UMODL1: variants seen among roughly 807,000 people sequenced by gnomAD.
UMODL1 encodes uromodulin like 1.
In UMODL1, 128 loss-of-function variants were observed where a neutral mutation model predicts 136.3. That is an observed-to-expected ratio of 0.94 (90% confidence interval 0.81 to 1.09). The LOEUF (loss-of-function observed/expected upper bound fraction) is 1.09, where lower values mean the gene tolerates loss of function less well. UMODL1 is among the 50% of genes least tolerant of loss of function. The probability of loss-of-function intolerance (pLI) is 0.00; values close to 1 mark genes in which losing one functional copy is unlikely to be tolerated. For synonymous variants in UMODL1, 721 were observed against 720.0 expected (o/e 1.00, Z -0.02); for missense variants, 1,766 against 1,725.6 (o/e 1.02, Z -0.41).
chr21:42,122,264 G>A lies in UMODL1; in HGVS notation c.2828-567G>A, dbSNP rs2066982328. ...CACCCCGAGAACAGGTGGGTGGATT[G>A]GAAAGCTTTCCGGGCCCCTTGTTCT... On this transcript the variant is annotated intron_variant, in intron 16 of 22. Coordinates refer to ENST00000408910, the MANE Select transcript of UMODL1 (RefSeq NM_001004416.3). This position sits in a 1 kb window ranked among gnomAD's most constrained non-coding sequence, Gnocchi z 4.3. Among the ~76,000 whole-genome samples, 1 of 152,174 alleles carries A rather than the reference G, an allele frequency of 6.6e-6. No homozygotes were observed.
At position 42,071,353 on chromosome 21, in the gene UMODL1, G is replaced by T. The variant is rs1380527196; in HGVS notation, c.37G>T (p.Val13Phe). The T allele has an allele frequency of 5.0e-6, 8 of 1,598,140 alleles. No homozygotes were observed. The highest frequency in any genetic ancestry group is 6.8e-6 in the Non-Finnish European group (8 of 1,172,628). ...CTCGGGGCTGGCACTGCTGGCTCTG[G>T]TCAGTGCTGTGGGCCCAAGCCAGGC... ...RTSGLALLAL[V>F]SAVGPSQASG... Residue 13 changes from valine (V) to phenylalanine (F), a missense_variant, in exon 1 of 23, where the codon GTC becomes TTC. Transcript: ENST00000408910.
intron 1 of UMODL1, among the ~76,000 whole-genome samples, chr21:42,065,754 G>C (rs555474522): frequency 3.3e-5 from 5 of 152,104 alleles, no homozygotes; most frequent in African/African-American, 1.2e-4. Flanking sequence ...GGAGGGCCTC[G>C]ATCTGCTGAC....
intron 14 of UMODL1, among the ~76,000 whole-genome samples, chr21:42,117,803 A>G (rs938888216): frequency 7.9e-5 from 12 of 152,234 alleles, no homozygotes; most frequent in African/African-American, 2.9e-4. Flanking sequence ...TAGTAGTTAG[A>G]ATATTAAACA....
chr21:42,103,720 G>A lies in UMODL1; in HGVS notation c.1300-148G>A, dbSNP rs759222558. On this transcript the variant is annotated intron_variant, in intron 8 of 22. Transcript: ENST00000408910. The stretch of plus-strand genomic sequence containing the variant: ...AGGTGCTGTGAACGGACTTCTCTGC[G>A]TGCTCTGAGAGGTCGGTCGTCAGGT... The A allele has an allele frequency of 8.6e-5, 79 of 921,526 alleles. 1 individual carries two copies. The highest frequency in any genetic ancestry group is 3.1e-4 in the African/African-American group (19 of 61,216). 57.1% of individuals were successfully genotyped at this position (921,526 alleles called of 1,614,324 possible).
In UMODL1 at chr21:42,084,137, G is replaced by C. The variant is rs757190183; in HGVS notation, c.373G>C (p.Gly125Arg). 2 of 1,614,138 alleles carry C rather than the reference G, an allele frequency of 1.2e-6. No homozygotes were observed. The highest frequency in any genetic ancestry group is 1.7e-6 in the Non-Finnish European group (2 of 1,180,008). ...AAGACCTGGGGCCTGCCCCGCAGAG[G>C]GGCCTGAACCATCCACCTCCCCCTG... The part of the protein sequence containing the change: ...TSRPGACPAE[G>R]PEPSTSPCSL... Residue 125 changes from glycine (G) to arginine (R), a missense_variant, in exon 3 of 23, where the codon GGG becomes CGG. By Grantham distance (125) the Gly-to-Arg change is moderately radical. Coordinates refer to ENST00000408910, the MANE Select transcript of UMODL1 (RefSeq NM_001004416.3).
chr21:42,126,681 G>A (rs2067059975), intron 18 of UMODL1, among the ~76,000 whole-genome samples, 191 bp downstream of exon 18: 1 of 152,202 alleles, frequency 6.6e-6, no homozygotes, highest in Non-Finnish European at 1.5e-5. Flanking sequence ...GGCCAAATAT[G>A]TCCCGTGGCC....
intron 17 of UMODL1, 95 bp from the exon 18 acceptor site, chr21:42,126,250 C>T (rs1185676833): frequency 1.3e-6 from 2 of 1,534,586 alleles, no homozygotes; most frequent in African/African-American, 1.4e-5. Flanking sequence ...TAGAGAAGAA[C>T]CCCCATCCCC....
chr21:42,104,164 TCTTTC>T (rs2146483121), intron 9 of UMODL1, 77 bp downstream of exon 9: 1 of 1,406,970 alleles, frequency 7.1e-7, no homozygotes, highest in East Asian at 2.3e-5. Flanking sequence ...TTTGAGTCAG[TCTTTC>T]CTTTATTTCA....
In UMODL1 at chr21:42,119,227, C is replaced by T. The variant is rs376499471; in HGVS notation, c.2592C>T (p.Ile864=). ...TGGTGGAGTTTCACTTGCTGATAAT[C>T]GCAGATGTGGATGTCCAGGAGGTGT... ...SIVVEFHLLI[I]ADVDVQEVSA... is the part of the protein sequence containing the mutation. Residue 864 remains isoleucine, a synonymous_variant, in exon 15 of 23, where the codon ATC becomes ATT. Coordinates refer to ENST00000408910, the MANE Select transcript of UMODL1 (RefSeq NM_001004416.3). 71 of 1,614,218 alleles carry T rather than the reference C, an allele frequency of 4.4e-5. No homozygotes were observed. In the African/African-American group the frequency reaches 8.1e-4, roughly 18 times the overall value.
At position 42,090,340 on chromosome 21, in the gene UMODL1, G is replaced by A. The variant is rs759164059; in HGVS notation, c.833G>A (p.Gly278Glu). 4 of 1,614,180 alleles carry A rather than the reference G, an allele frequency of 2.5e-6. No homozygotes were observed. Among genetic ancestry groups the A allele is most frequent in the South Asian group, 1.1e-5 (1 of 91,086 alleles). Residue 278 changes from glycine (G) to glutamate (E), a missense_variant, in exon 6 of 23, where the codon GGA (glycine) becomes GAA (glutamate). Gly to Glu is a moderately conservative substitution (Grantham distance 98, BLOSUM62 -2). Transcript: ENST00000408910. ...TATGAGGAGCTCAATGCCTGCTCTG[G>A]AAGGGAACTGTGCGCAAACCTGGAG... ...CFYEELNACS[G>E]RELCANLEGS...
Position 42,065,007 on chromosome 21 carries a change from C to T in UMODL1, c.-141+1793C>T, listed in dbSNP as rs562422701. Among the ~76,000 whole-genome samples the T allele has an allele frequency of 3.0e-4, 46 of 152,296 alleles. 1 individual carries two copies. Among genetic ancestry groups the T allele is most frequent in the South Asian group, 2.5e-3 (12 of 4,830 alleles). ...CTGTTTTTACTTTTGAAAATCCTTG[C>T]GGCTGGGGGAATGTACACCTTCTCT... is the stretch of plus-strand genomic sequence containing the variant. On this transcript the variant is annotated intron_variant, in intron 1 of 22. Coordinates refer to the UMODL1 transcript ENST00000400424.
chr21:42,063,461 A>T (rs1601159222), intron 1 of UMODL1, among the ~76,000 whole-genome samples: 1 of 152,164 alleles, frequency 6.6e-6, no homozygotes, highest in African/African-American at 2.4e-5. Context: ...GAGGCCAGGC[A>T]TTGGGATTTT....
At chr21:42,110,733 C>A in intron 10 of UMODL1, 147 bp from the exon 11 acceptor site, 1 of 761,154 alleles carries the variant, frequency 1.3e-6, no homozygotes. Context: ...AGGAAACACT[C>A]CTGAACGCTG....
At chr21:42,103,627 G>A in intron 8 of UMODL1, 1 of 647,128 alleles carries the variant, frequency 1.5e-6, no homozygotes, top group Non-Finnish European at 3.0e-6. Context: ...GAGCTTGATT[G>A]CAGTGGTCAC....
chr21:42,123,067 C>A lies in UMODL1; in HGVS notation c.3064C>A (p.Pro1022Thr), dbSNP rs764570616. Residue 1022 changes from proline (P) to threonine (T), a missense_variant, in exon 17 of 23, where the codon CCC becomes ACC. By Grantham distance (38) the Pro-to-Thr change is conservative. Transcript: ENST00000408910. The surrounding 1 kb of genome is among the most constrained non-coding windows in gnomAD (Gnocchi z 4.4). ...IPESSLYLSH[P>T]SCNVSHSNGT... ...CGAGTCCTCGTTGTACCTCAGCCAC[C>A]CCTCCTGCAACGTGAGCCACAGCAA... 1.2e-6 allele frequency: 2 copies of A among 1,614,182 alleles called. No individual in the cohort carries two copies. The highest frequency in any genetic ancestry group is 3.3e-5 in the Admixed American group (2 of 60,022).
Position 42,099,619 on chromosome 21 carries a change from G to C in UMODL1, c.1186+439G>C, listed in dbSNP as rs534583052. 2.0e-5 allele frequency among the ~76,000 whole-genome samples: 3 copies of C among 152,174 alleles called. No individual in the cohort carries two copies. In the East Asian group the frequency reaches 5.8e-4, roughly 29 times the overall value. On this transcript the variant is annotated intron_variant, in intron 7 of 22. Coordinates refer to ENST00000408910, the MANE Select transcript of UMODL1 (RefSeq NM_001004416.3). The surrounding 1 kb of genome is among the most constrained non-coding windows in gnomAD (Gnocchi z 4.1). The stretch of plus-strand genomic sequence containing the variant: ...AGGGGAGCATCGCTGACGTTTTCAC[G>C]CCTTGCTTCACTCATGATGCATGTA...
chr21:42,076,611 G>A (rs186588101), intron 2 of UMODL1, among the ~76,000 whole-genome samples: 10 of 152,296 alleles, frequency 6.6e-5, no homozygotes, highest in Admixed American at 1.3e-4. Context: ...GAATTGGCCC[G>A]GGGCGTTGAG....
intron 22 of UMODL1, among the ~76,000 whole-genome samples, chr21:42,138,578 A>ATT (rs55726630): frequency 6.8e-6 from 1 of 146,608 alleles, no homozygotes. Flanking sequence ...AGATTTTCAG[A>ATT]TTTTTTTTTT....
intron 18 of UMODL1, among the ~76,000 whole-genome samples, 185 bp from the exon 19 acceptor site, chr21:42,126,821 G>A (rs2067062062): frequency 6.6e-6 from 1 of 152,126 alleles, no homozygotes; most frequent in East Asian, 1.9e-4. Context: ...ACTGAGGGAG[G>A]CAACCCCTGG....
Sources: gnomAD v4.1 joint callset for allele counts (sites outside exome capture counted in the v4.1 genomes callset) on GRCh38, gnomAD v4.1.1 for gene constraint, Gnocchi (gnomAD v3.1) non-coding constraint, MANE v1.5 for transcripts, NCBI Gene and HGNC (gene_info 2026-07-23, HGNC 2026-07-21) for gene names.